The following PCDH15 variants were observed in gnomAD, a reference collection of about 807,000 sequenced individuals.
The protein encoded by PCDH15 is protocadherin related 15.
Under a neutral mutation model 178.5 loss-of-function variants are expected in PCDH15, and 129 were observed. The observed-to-expected ratio is 0.72, with a 90% CI of 0.63 to 0.84. The LOEUF (loss-of-function observed/expected upper bound fraction) is 0.84. PCDH15 is among the 40% of genes least tolerant of loss of function. The pLI, the probability that PCDH15 is intolerant of heterozygous loss-of-function variation, is 0.00. For synonymous variants in PCDH15, 800 were observed against 732.0 expected, an observed-to-expected ratio of 1.09 and a Z score of -1.50; for missense variants, 2,230 against 2,099.9, an observed-to-expected ratio of 1.06 and a Z score of -1.21.
chr10:54,359,421 C>T (rs900119399), intron 5 of PCDH15, among the ~76,000 whole-genome samples: 4 of 151,864 alleles, frequency 2.6e-5, no homozygotes, highest in Non-Finnish European at 5.9e-5. Context: ...GAGAACTGTA[C>T]ACTTCTATTA....
intron 20 of PCDH15, among the ~76,000 whole-genome samples, chr10:54,009,234 G>C (rs2092488719): frequency 6.6e-6 from 1 of 151,772 alleles, no homozygotes; most frequent in Non-Finnish European, 1.5e-5. Context: ...TCCTGAAATA[G>C]ACACATTTCT....
At chr10:54,806,486 T>C (rs920981230) in intron 3 of PCDH15, among the ~76,000 whole-genome samples, 5 of 128,916 alleles carry the variant, frequency 3.9e-5, no homozygotes, top group Non-Finnish European at 7.8e-5. Context: ...TCTGGCTTGA[T>C]TTTTTTTTTT....
intron 15 of PCDH15, among the ~76,000 whole-genome samples, chr10:54,102,778 T>C (rs1386971495): frequency 2.0e-5 from 3 of 152,100 alleles, no homozygotes; most frequent in African/African-American, 7.2e-5. Context: ...ACTGGGGAAA[T>C]GACCACAGCA....
intron 15 of PCDH15, among the ~76,000 whole-genome samples, chr10:54,124,118 C>A (rs10763072): frequency 0.56 from 85,505 of 151,866 alleles, 25,567 homozygotes; most frequent in East Asian, 0.98. Context: ...TGTGACATAC[C>A]CATATAATAA....
At chr10:54,847,654 TG>T (rs1180643663) in intron 3 of PCDH15, among the ~76,000 whole-genome samples, 7 of 152,204 alleles carry the variant, frequency 4.6e-5, no homozygotes, top group Non-Finnish European at 1.5e-5. Context: ...ACTAGCATAC[TG>T]AAATTGTATT....
chr10:53,915,948 T>C (rs1004474445), intron 25 of PCDH15, among the ~76,000 whole-genome samples: 13 of 152,176 alleles, frequency 8.5e-5, no homozygotes, highest in African/African-American at 3.1e-4. Context: ...TCAGTATCTG[T>C]GGGGGATTGG....
chr10:55,571,224 T>G (rs1258702753), intron 2 of PCDH15, among the ~76,000 whole-genome samples: 1 of 151,982 alleles, frequency 6.6e-6, no homozygotes, highest in Non-Finnish European at 1.5e-5. Flanking sequence ...AGGCTCCCAC[T>G]TTGCCTTTCA....
chr10:54,264,567 C>T (rs1362964644), intron 8 of PCDH15, among the ~76,000 whole-genome samples: 1 of 152,026 alleles, frequency 6.6e-6, no homozygotes, highest in Non-Finnish European at 1.5e-5. Flanking sequence ...AAGAAAGAGC[C>T]AAACTGAACT....
chr10:55,250,261 A>C (rs1369168104), intron 1 of PCDH15, among the ~76,000 whole-genome samples: 3 of 151,998 alleles, frequency 2.0e-5, no homozygotes, highest in Admixed American at 2.0e-4. Context: ...CTCCCGCATC[A>C]GCCTTCCAAG....
chr10:54,083,800 T>C (rs1428289959), intron 16 of PCDH15, among the ~76,000 whole-genome samples: 3 of 152,190 alleles, frequency 2.0e-5, no homozygotes, highest in Non-Finnish European at 1.5e-5. Context: ...GCCTCAATTA[T>C]ATAAATTATA....
intron 8 of PCDH15, among the ~76,000 whole-genome samples, chr10:54,249,153 TTGTC>T (rs1591412526): frequency 6.6e-6 from 1 of 152,116 alleles, no homozygotes; most frequent in East Asian, 1.9e-4. Flanking sequence ...TATATATTGC[TTGTC>T]TAATTGTCCG....
At chr10:55,596,910 T>C (rs1022613662) in intron 2 of PCDH15, among the ~76,000 whole-genome samples, 4 of 152,134 alleles carry the variant, frequency 2.6e-5, no homozygotes, top group African/African-American at 9.6e-5. Flanking sequence ...CAAAAATAGA[T>C]AAACAGGATT....
At chr10:54,525,142 A>G (rs762714596) in intron 3 of PCDH15, among the ~76,000 whole-genome samples, 20 of 152,240 alleles carry the variant, frequency 1.3e-4, no homozygotes, top group Non-Finnish European at 2.2e-4. Flanking sequence ...TACATAAACA[A>G]TTAGCTATAA....
chr10:54,385,046 C>A (rs2135188144), intron 3 of PCDH15, among the ~76,000 whole-genome samples: 1 of 152,162 alleles, frequency 6.6e-6, no homozygotes, highest in Non-Finnish European at 1.5e-5. Context: ...CTGGTTGATC[C>A]AAATCCAAGT....
chr10:54,303,258 T>G (rs2060251791), intron 8 of PCDH15, among the ~76,000 whole-genome samples: 1 of 152,062 alleles, frequency 6.6e-6, no homozygotes, highest in African/African-American at 2.4e-5. Flanking sequence ...TGTATGCATT[T>G]TTTTTTCTAA....
intron 9 of PCDH15, among the ~76,000 whole-genome samples, chr10:54,235,386 T>A (rs2054525391): frequency 6.6e-6 from 1 of 152,200 alleles, no homozygotes; most frequent in Non-Finnish European, 1.5e-5. Context: ...ACATAACTTT[T>A]AAAAGTGAAA....
In PCDH15 at chr10:53,949,769, A is replaced by G. The variant is rs143400269; in HGVS notation, c.3123-8794T>C. On this transcript the variant is annotated intron_variant, in intron 23 of 37. Transcript: ENST00000644397. ...TGGCTATGTTCCTCAACATAAGGTA[A>G]TTTTAATTCTCTTTAATAATGAAAT... Among the ~76,000 whole-genome samples the G allele has an allele frequency of 8.5e-5, 13 of 152,256 alleles. No homozygotes were observed. In the East Asian group the frequency reaches 2.5e-3, roughly 29 times the overall value.
At chr10:55,464,217 C>G (rs1839779497) in intron 2 of PCDH15, among the ~76,000 whole-genome samples, 1 of 151,968 alleles carries the variant, frequency 6.6e-6, no homozygotes, top group Non-Finnish European at 1.5e-5. Context: ...GGACATAACT[C>G]AAAACGTCAG....
chr10:54,898,338 C>A (rs1954581538), intron 2 of PCDH15, among the ~76,000 whole-genome samples: 1 of 151,844 alleles, frequency 6.6e-6, no homozygotes, highest in African/African-American at 2.4e-5. Flanking sequence ...TGAAGAATAT[C>A]ATAATAAAGT....
Sources: allele counts gnomAD v4.1 joint callset (sites outside exome capture counted in the v4.1 genomes callset), GRCh38; gene constraint gnomAD v4.1.1; transcripts MANE v1.5; gene names NCBI Gene and HGNC (gene_info 2026-07-23, HGNC 2026-07-21).